The following PLPPR3 variants were observed in gnomAD, a reference collection of about 807,000 sequenced individuals.
The protein encoded by PLPPR3 is phospholipid phosphatase-related protein type 3.
A neutral mutation model predicts 27.3 loss-of-function variants in PLPPR3; 14 were observed. The observed-to-expected ratio is 0.51, with a 90% CI of 0.34 to 0.80. The LOEUF is 0.80. Among genes scored for constraint, PLPPR3 ranks in the 30% least tolerant of loss-of-function variants. The probability of loss-of-function intolerance (pLI) is 0.01; values close to 1 mark genes in which losing one functional copy is unlikely to be tolerated. For missense variants in PLPPR3, 1,287 were observed against 1,056.9 expected, an observed-to-expected ratio of 1.22 and a Z score of -3.02; for synonymous variants, 671 against 508.0, an observed-to-expected ratio of 1.32 and a Z score of -4.32.
At chr19:821,435 C>T (rs2035143698) in intron 2 of PLPPR3, 50 bp downstream of exon 2, 3 of 1,475,714 alleles carry the variant, frequency 2.0e-6, no homozygotes, top group East Asian at 5.8e-5. Flanking sequence ...TCTCTGCGGG[C>T]GGGCGGAACC....
intron 7 of PLPPR3, 138 bp downstream of exon 7, chr19:814,296 C>A: frequency 1.2e-6 from 1 of 837,978 alleles, no homozygotes; most frequent in Non-Finnish European, 1.8e-6. Context: ...ACCAGCCTCC[C>A]CTGTCAGACC....
rs1423592103 is a variant in PLPPR3 at position 813,603 on chromosome 19, T to C, written c.1124A>G (p.His375Arg). 6.5e-7 allele frequency: 1 copy of C among 1,547,286 alleles called. No homozygotes were observed. The change falls in exon 8 of 8, where the codon CAC becomes CGC. Residue 375 changes from histidine (H) to arginine (R), a missense_variant. His to Arg is a conservative substitution (Grantham distance 29). Coordinates refer to ENST00000520876, the MANE Select transcript of PLPPR3 (RefSeq NM_001270366.2). This position sits in a 1 kb window ranked among gnomAD's most constrained non-coding sequence, Gnocchi z 4.1. Reference protein sequence around the residue: ...MAKENMVTFSHTLPRASAPSL... With the variant: ...MAKENMVTFSRTLPRASAPSL... ...GGGCGCGCTGGCCCTGGGCAGCGTG[T>C]GGCTGAAGGTCACCATGTTCTCCTT... is the stretch of plus-strand genomic sequence containing the variant.
chr19:813,221 C>T lies in PLPPR3; in HGVS notation c.1506G>A (p.Gln502=), dbSNP rs1485374730. Residue 502 remains glutamine, a synonymous_variant, in exon 8 of 8, where the codon CAG becomes CAA. Transcript: ENST00000520876. This position sits in a 1 kb window ranked among gnomAD's most constrained non-coding sequence, Gnocchi z 4.1. Reference sequence around the variant, plus strand: ...TTTTGGGGGACAGGCCGGCCCCCGTCTGCGCGCCCTCCTCCGGGATGTGCA... The same window carrying T: ...TTTTGGGGGACAGGCCGGCCCCCGTTTGCGCGCCCTCCTCCGGGATGTGCA... The part of the protein sequence containing the change: ...PLVHIPEEGA[Q]TGAGLSPKSG... 1.3e-6 allele frequency: 2 copies of T among 1,485,232 alleles called. No homozygotes were observed. The highest frequency in any genetic ancestry group is 2.0e-4 in the Middle Eastern group (1 of 5,084). The allele number at this position is 1,485,232 out of a possible 1,614,324, so 92.0% of individuals were successfully genotyped here. A position where few individuals can be genotyped will look rare whatever the true frequency, so the allele number is the denominator to read the frequency against.
intron 2 of PLPPR3, among the ~76,000 whole-genome samples, chr19:816,186 C>G (rs1010354552): frequency 3.3e-5 from 5 of 151,170 alleles, no homozygotes; most frequent in African/African-American, 1.2e-4. Context: ...CATCATCTAT[C>G]CACCCATTCT....
upstream of PLPPR3, among the ~76,000 whole-genome samples, chr19:822,336 C>A (rs1215891751): frequency 6.8e-6 from 1 of 146,316 alleles, no homozygotes; most frequent in Non-Finnish European, 1.5e-5. Context: ...TGACTGTCTC[C>A]GTGTCTCTCA....
At chr19:823,120 A>C (rs1246600753), upstream of PLPPR3, among the ~76,000 whole-genome samples, 2 of 148,314 alleles carry the variant, frequency 1.3e-5, no homozygotes, top group East Asian at 2.0e-4. Context: ...ACTCTGTCTC[A>C]AAACAAACAA....
chr19:822,459 C>T (rs1740524748), upstream of PLPPR3, among the ~76,000 whole-genome samples: 2 of 151,946 alleles, frequency 1.3e-5, no homozygotes, highest in Admixed American at 6.5e-5. Context: ...GCGCCCGGAG[C>T]ATCGGAGACA....
chr19:816,122 C>T (rs933113860), intron 2 of PLPPR3, among the ~76,000 whole-genome samples: 1 of 152,088 alleles, frequency 6.6e-6, no homozygotes, highest in African/African-American at 2.4e-5. Flanking sequence ...ACCCATCACC[C>T]ACCCATCCAT....
rs2034967418 is a variant in PLPPR3, at chr19:813,134, G to A, written c.1593C>T (p.Ala531=). The A allele has an allele frequency of 1.3e-6, 2 of 1,512,452 alleles. No homozygotes were observed. Among genetic ancestry groups the A allele is most frequent in the Admixed American group, 2.1e-5 (1 of 46,758 alleles). The allele number at this position is 1,512,452 out of a possible 1,614,324, so 93.7% of individuals were successfully genotyped here. The change falls in exon 8 of 8, where the codon GCC becomes GCT. Residue 531 remains alanine (A), a synonymous_variant. Transcript: ENST00000520876. This position sits in a 1 kb window ranked among gnomAD's most constrained non-coding sequence, Gnocchi z 4.1. ...MMAEKSGAAV[A]NPPRLLQVIA... ...TGACCTGCAGCAGCCGCGGAGGGTT[G>A]GCCACTGCCGCCCCGCTCTTCTCGG...
At chr19:823,450 A>AACAAACAAAC (rs1555703880), upstream of PLPPR3, among the ~76,000 whole-genome samples, 994 of 143,882 alleles carry the variant, frequency 6.9e-3, 24 homozygotes, top group African/African-American at 0.023. Context: ...TCAAAAAAAA[A>AACAAACAAAC]AAAAAAAACA....
At chr19:823,654 G>A (rs1299308324), upstream of PLPPR3, among the ~76,000 whole-genome samples, 1 of 152,194 alleles carries the variant, frequency 6.6e-6, no homozygotes, top group Non-Finnish European at 1.5e-5. Context: ...TCCTGGGACA[G>A]GACTGCACGG....
chr19:813,776 C>T lies in PLPPR3; in HGVS notation c.951G>A (p.Gln317=). Residue 317 remains glutamine (Q), a synonymous_variant, in exon 8 of 8, where the codon CAG becomes CAA. Coordinates refer to ENST00000520876, the MANE Select transcript of PLPPR3 (RefSeq NM_001270366.2). This position sits in a 1 kb window ranked among gnomAD's most constrained non-coding sequence, Gnocchi z 4.1. ...GCTCGTCGGTGCTCACCGACTTATT[C>T]TGCTGATAAACCGAGTCGTGGCCCC... The part of the protein sequence containing the change: ...TQRGHDSVYQ[Q]NKSVSTDELG... 20 of 1,528,566 alleles carry T rather than the reference C, an allele frequency of 1.3e-5. No homozygotes were observed. Among genetic ancestry groups the T allele is most frequent in the Non-Finnish European group, 1.7e-5 (20 of 1,143,554 alleles). The allele number at this position is 1,528,566 out of a possible 1,614,324, so 94.7% of individuals were successfully genotyped here.
At chr19:818,957 C>CTA (rs2035104722) in intron 2 of PLPPR3, among the ~76,000 whole-genome samples, 2 of 112,276 alleles carry the variant, frequency 1.8e-5, no homozygotes, top group African/African-American at 8.0e-5. Context: ...CTGCGCTCGG[C>CTA]CTTATTATTA....
In PLPPR3 at chr19:815,279, C is replaced by T. The variant is rs2145069560; in HGVS notation, c.310G>A (p.Gly104Ser). 6.4e-7 allele frequency: 1 copy of T among 1,555,120 alleles called. No homozygotes were observed. Among genetic ancestry groups the T allele is most frequent in the Non-Finnish European group, 8.7e-7 (1 of 1,151,704 alleles). Reference protein sequence around the residue: ...MLYCLQSRLWGRAGGPAGAEG... With the variant: ...MLYCLQSRLWSRAGGPAGAEG... ...GCCCCGGCGGGCCCCCCGGCACGGC[C>T]CCACAGCCGGGACTGCAGACAGTAC... is the stretch of plus-strand genomic sequence containing the variant. Residue 104 changes from glycine to serine, a missense_variant, in exon 4 of 8, where the codon GGC (glycine) becomes AGC (serine). By Grantham distance (56) the Gly-to-Ser change is moderately conservative (BLOSUM62 0). Transcript: ENST00000520876.
At chr19:817,722 G>A (rs974048206) in intron 2 of PLPPR3, among the ~76,000 whole-genome samples, 2 of 152,180 alleles carry the variant, frequency 1.3e-5, no homozygotes, top group Non-Finnish European at 1.5e-5. Context: ...TTGGATCGAG[G>A]GAGCTGAGTT....
Position 812,623 on chromosome 19 carries a change from C to A in PLPPR3, c.2104G>T (p.Ala702Ser). 8.9e-7 allele frequency: 1 copy of A among 1,119,360 alleles called. No individual in the cohort carries two copies. The highest frequency in any genetic ancestry group is 4.5e-5 in the Admixed American group (1 of 22,292). The allele number at this position is 1,119,360 out of a possible 1,614,324, so 69.3% of individuals were successfully genotyped here. A position where few individuals can be genotyped will look rare whatever the true frequency, so the allele number is the denominator to read the frequency against. The change falls in exon 8 of 8, where the codon GCG becomes TCG. Residue 702 changes from alanine to serine, a missense_variant. Transcript: ENST00000520876. ...GLGLAEREAE[A>S]EAEGYFRKMQ... ...TTGCGGAAGTAGCCCTCGGCCTCCG[C>A]CTCCGCCTCGCGCTCCGCCAGCCCC...
chr19:820,982 T>C (rs1276289596), intron 2 of PLPPR3, among the ~76,000 whole-genome samples: 1 of 152,208 alleles, frequency 6.6e-6, no homozygotes, highest in African/African-American at 2.4e-5. Flanking sequence ...GGTCATAAAC[T>C]CCTCACTATG....
chr19:822,662 C>T (rs555893466), upstream of PLPPR3, among the ~76,000 whole-genome samples: 6 of 152,292 alleles, frequency 3.9e-5, no homozygotes, highest in South Asian at 4.1e-4. Context: ...CCTCGGGACC[C>T]GCACTCGGGC....
chr19:820,696 AT>A, intron 2 of PLPPR3, among the ~76,000 whole-genome samples: 1 of 150,972 alleles, frequency 6.6e-6, no homozygotes, highest in Middle Eastern at 3.5e-3. Flanking sequence ...ATTTTTTTGT[AT>A]TTTTTAGTAG....
Sources: allele counts gnomAD v4.1 joint callset (sites outside exome capture counted in the v4.1 genomes callset), GRCh38; gene constraint gnomAD v4.1.1; non-coding constraint Gnocchi (gnomAD v3.1); transcripts MANE v1.5; gene names NCBI Gene and HGNC (gene_info 2026-07-23, HGNC 2026-07-21).